Variants in INPP5A observed in about 807,000 individuals in gnomAD.
INPP5A encodes inositol polyphosphate-5-phosphatase A, also known as 43 kDa inositol polyphosphate 5-phophatase.
Under a neutral mutation model 65.2 loss-of-function variants are expected in INPP5A, and 14 were observed. The observed-to-expected ratio is 0.21, with a 90% CI of 0.14 to 0.34. The LOEUF is 0.34. INPP5A is among the 10% of genes least tolerant of loss of function. The pLI is 1.00. For missense variants in INPP5A, 431 were observed against 545.6 expected, an observed-to-expected ratio of 0.79 and a Z score of 2.09; for synonymous variants, 207 against 208.3, an observed-to-expected ratio of 0.99 and a Z score of 0.05.
chr10:132,715,844 C>A (rs1457700769), intron 8 of INPP5A, among the ~76,000 whole-genome samples: 7 of 152,210 alleles, frequency 4.6e-5, no homozygotes, highest in Non-Finnish European at 1.0e-4. Context: ...GACTCGGAGA[C>A]CTCAGGGTGG....
chr10:132,777,477 C>T (rs966145042), intron 12 of INPP5A, among the ~76,000 whole-genome samples, 194 bp from the exon 13 acceptor site: 5 of 152,244 alleles, frequency 3.3e-5, no homozygotes, highest in African/African-American at 1.2e-4. Flanking sequence ...TTTAGTCTCA[C>T]ATAAAAACAG....
In INPP5A at chr10:132,675,887, A is replaced by G. The variant is rs1222389061; in HGVS notation, c.307-14505A>G. ...TTGGCCATCTCTTAAAGTGCATTTT[A>G]CTTTAATTATTCTATATCCATAATG... On this transcript the variant is annotated intron_variant, in intron 4 of 15. Transcript: ENST00000368594. This position sits in a 1 kb window ranked among gnomAD's most constrained non-coding sequence, Gnocchi z 4.2. Among the ~76,000 whole-genome samples, 1 of 152,182 alleles carries G rather than the reference A, an allele frequency of 6.6e-6. No homozygotes were observed. Among genetic ancestry groups the G allele is most frequent in the African/African-American group, 2.4e-5 (1 of 41,434 alleles).
chr10:132,703,591 A>ACG (rs1845475431), intron 6 of INPP5A, among the ~76,000 whole-genome samples: 4 of 138,586 alleles, frequency 2.9e-5, no homozygotes, highest in African/African-American at 1.1e-4. Context: ...CTGCACACAC[A>ACG]TGGCTTCACA....
intron 1 of INPP5A, among the ~76,000 whole-genome samples, chr10:132,579,921 T>G (rs1167664312): frequency 6.6e-6 from 1 of 151,232 alleles, no homozygotes; most frequent in Non-Finnish European, 1.5e-5. Context: ...TTTAAAAGTT[T>G]TTTTTTTTTT....
At chr10:132,761,604 T>C (rs1242094174) in intron 11 of INPP5A, among the ~76,000 whole-genome samples, 1 of 151,944 alleles carries the variant, frequency 6.6e-6, no homozygotes, top group Non-Finnish European at 1.5e-5. Context: ...GGGGGTGCCA[T>C]GCGGAGGCTT....
At chr10:132,563,962 G>T (rs780633388) in intron 1 of INPP5A, among the ~76,000 whole-genome samples, 14 of 152,108 alleles carry the variant, frequency 9.2e-5, no homozygotes, top group Non-Finnish European at 1.8e-4. Flanking sequence ...AAGTCGTCCT[G>T]GTTCATACCT....
At position 132,575,053 on chromosome 10, in the gene INPP5A, C is replaced by T. The variant is rs1045712580; in HGVS notation, c.76-32862C>T. On this transcript the variant is annotated intron_variant, in intron 1 of 15. Transcript: ENST00000368594. This position sits in a 1 kb window ranked among gnomAD's most constrained non-coding sequence, Gnocchi z 5.4. ...GTCTGCGGAGTCCTCCCGGGGGCTC[C>T]GGATTCGGGGTGTCCGTGGAAAACA... Among the ~76,000 whole-genome samples, 2 of 152,146 alleles carry T rather than the reference C, an allele frequency of 1.3e-5. No individual in the cohort carries two copies. The highest frequency in any genetic ancestry group is 6.5e-5 in the Admixed American group (1 of 15,272).
intron 2 of INPP5A, among the ~76,000 whole-genome samples, chr10:132,638,632 A>G (rs922510646): frequency 3.9e-5 from 6 of 152,144 alleles, no homozygotes; most frequent in Admixed American, 6.5e-5. Context: ...CAGTGGCACA[A>G]TCTCGGAGCA....
At chr10:132,614,533 C>G (rs1015383480) in intron 2 of INPP5A, among the ~76,000 whole-genome samples, 1 of 152,224 alleles carries the variant, frequency 6.6e-6, no homozygotes, top group African/African-American at 2.4e-5. Flanking sequence ...CCTCAGCTGT[C>G]CTGTCCACCC....
chr10:132,691,601 G>A (rs1380666535), intron 5 of INPP5A, among the ~76,000 whole-genome samples: 2 of 152,262 alleles, frequency 1.3e-5, no homozygotes, highest in Non-Finnish European at 2.9e-5. Flanking sequence ...CAGTCATAAA[G>A]TGCCTGGTGA....
chr10:132,752,876 G>T (rs1846521506), intron 11 of INPP5A, among the ~76,000 whole-genome samples: 1 of 152,126 alleles, frequency 6.6e-6, no homozygotes, highest in South Asian at 2.1e-4. Flanking sequence ...AAATTAATCT[G>T]AATATTTGAG....
At chr10:132,778,362 A>G (rs577544255) in intron 13 of INPP5A, among the ~76,000 whole-genome samples, 12 of 113,968 alleles carry the variant, frequency 1.1e-4, no homozygotes, top group Non-Finnish European at 2.0e-4. Flanking sequence ...CTTGCTTGCT[A>G]CATTGGCCAG....
intron 9 of INPP5A, among the ~76,000 whole-genome samples, chr10:132,739,876 G>A (rs187264916): frequency 2.5e-4 from 38 of 152,288 alleles, no homozygotes; most frequent in African/African-American, 8.4e-4. Context: ...CTGTGTGTCC[G>A]TTGGCCCGTG....
intron 4 of INPP5A, among the ~76,000 whole-genome samples, chr10:132,667,562 C>T (rs2072822420): frequency 6.6e-6 from 1 of 152,220 alleles, no homozygotes; most frequent in South Asian, 2.1e-4. Context: ...GCTGAAGAGG[C>T]CCAGACAGCT....
chr10:132,713,079 G>A (rs1384026306), intron 8 of INPP5A, among the ~76,000 whole-genome samples: 4 of 151,248 alleles, frequency 2.6e-5, no homozygotes, highest in Non-Finnish European at 4.4e-5. Flanking sequence ...GCATATGCAC[G>A]TGGGTTGGAT....
At position 132,663,866 on chromosome 10, in the gene INPP5A, G is replaced by C. The variant is rs1280812711; in HGVS notation, c.306+13361G>C. Among the ~76,000 whole-genome samples, 3 of 152,232 alleles carry C rather than the reference G, an allele frequency of 2.0e-5. No individual in the cohort carries two copies. Among genetic ancestry groups the C allele is most frequent in the Admixed American group, 2.0e-4 (3 of 15,292 alleles). ...TTCCTCTCCCCCTGTCGCCGGGTGG[G>C]AAATCCGTAACAGGCTCTGTGGCAA... On this transcript the variant is annotated intron_variant, in intron 4 of 15. Transcript: ENST00000368594. This position sits in a 1 kb window ranked among gnomAD's most constrained non-coding sequence, Gnocchi z 4.5.
intron 8 of INPP5A, among the ~76,000 whole-genome samples, chr10:132,714,808 A>G (rs112358571): frequency 0.083 from 12,581 of 152,240 alleles, 1,018 homozygotes; most frequent in African/African-American, 0.21. Context: ...CCACCACCAC[A>G]GCCAGTCACA....
chr10:132,660,312 C>T (rs755942962), intron 4 of INPP5A, among the ~76,000 whole-genome samples: 3 of 152,038 alleles, frequency 2.0e-5, no homozygotes, highest in Admixed American at 1.3e-4. Flanking sequence ...GAGATAAATA[C>T]CAAAAGAAAA....
At chr10:132,748,662 C>T (rs773299974) in intron 9 of INPP5A, among the ~76,000 whole-genome samples, 31 of 152,234 alleles carry the variant, frequency 2.0e-4, no homozygotes, top group Admixed American at 3.9e-4. Flanking sequence ...TGATCTGTGC[C>T]GGCTGTCCGC....
Sources: allele counts gnomAD v4.1 joint callset (sites outside exome capture counted in the v4.1 genomes callset), GRCh38; gene constraint gnomAD v4.1.1; non-coding constraint Gnocchi (gnomAD v3.1); transcripts MANE v1.5; gene names NCBI Gene and HGNC (gene_info 2026-07-23, HGNC 2026-07-21).